The following FER1L6 variants were observed in gnomAD, a reference collection of about 807,000 sequenced individuals.
FER1L6 encodes fer-1 like family member 6, also known as fer-1-like protein 6.
A neutral mutation model predicts 219.2 loss-of-function variants in FER1L6; 177 were observed. The ratio of observed to expected loss-of-function variants is 0.81; its 90% CI spans 0.71 to 0.91. The LOEUF is 0.91. Ranked by LOEUF, FER1L6 falls within the 40% of genes least tolerant of loss-of-function variation. The probability of loss-of-function intolerance (pLI) is 0.00; values close to 1 mark genes in which losing one functional copy is unlikely to be tolerated. For synonymous variants in FER1L6, 768 were observed against 824.3 expected, an observed-to-expected ratio of 0.93 and a Z score of 1.17; for missense variants, 2,153 against 2,259.9, an observed-to-expected ratio of 0.95 and a Z score of 0.96.
At chr8:124,081,845 A>T (rs1821568130) in intron 32 of FER1L6, among the ~76,000 whole-genome samples, 1 of 152,240 alleles carries the variant, frequency 6.6e-6, no homozygotes, top group Non-Finnish European at 1.5e-5. Context: ...TATAGAAACA[A>T]TATTGCATTT....
rs906088664 is a variant in FER1L6 at position 123,968,199 on chromosome 8, T to C, written c.385-1836T>C. Among the ~76,000 whole-genome samples, 8 of 152,276 alleles carry C rather than the reference T, an allele frequency of 5.3e-5. No individual in the cohort carries two copies. In the East Asian group the frequency reaches 5.8e-4, roughly 11 times the overall value. On this transcript the variant is annotated intron_variant, in intron 5 of 40. Transcript: ENST00000522917. ...GGCATGGATGTAATATGAGATAATATATGAAAATGCTTTAAAACTGCAAAG... is the reference window on the plus strand; with the variant it reads ...GGCATGGATGTAATATGAGATAATACATGAAAATGCTTTAAAACTGCAAAG...
chr8:124,064,666 G>A, intron 26 of FER1L6, 93 bp downstream of exon 26: 3 of 1,081,126 alleles, frequency 2.8e-6, no homozygotes, highest in Non-Finnish European at 1.4e-6. Context: ...GTGTGACCAT[G>A]GGCAAGCAGC....
In FER1L6 at chr8:124,060,260, T is replaced by G; in HGVS notation, c.2955T>G (p.Ile985Met). ...ITQIYPVPAN[I>M]RPVLSKYRVE... ...AGATCTACCCGGTTCCTGCCAACAT[T>G]CGGCCGGTGCTGAGCAAATACCGAG... The change falls in exon 23 of 41, where the codon ATT becomes ATG. Residue 985 changes from isoleucine (I) to methionine (M), a missense_variant. Physicochemically the swap from Ile to Met is conservative, Grantham distance 10. Coordinates refer to ENST00000522917, the MANE Select transcript of FER1L6 (RefSeq NM_001039112.2). 1 of 1,614,128 alleles carries G rather than the reference T, an allele frequency of 6.2e-7. No individual in the cohort carries two copies. The highest frequency in any genetic ancestry group is 1.1e-5 in the South Asian group (1 of 91,090).
chr8:123,860,905 C>T (rs1422899095), intron 1 of FER1L6, among the ~76,000 whole-genome samples: 1 of 43,744 alleles, frequency 2.3e-5, no homozygotes, highest in African/African-American at 1.1e-4. Flanking sequence ...GAGTAGGTTG[C>T]GAAAATTTTC....
chr8:124,098,277 G>A (rs1483394974), intron 37 of FER1L6, among the ~76,000 whole-genome samples: 2 of 152,132 alleles, frequency 1.3e-5, no homozygotes, highest in African/African-American at 2.4e-5. Context: ...CCTGTTTGCT[G>A]GTGGTATTGA....
intron 32 of FER1L6, among the ~76,000 whole-genome samples, chr8:124,076,710 G>T (rs1821309742): frequency 6.6e-6 from 1 of 152,194 alleles, no homozygotes. Flanking sequence ...TTTGAACAGA[G>T]CAGAGATTTC....
chr8:123,923,335 C>G (rs1813433847), intron 1 of FER1L6, among the ~76,000 whole-genome samples: 1 of 152,210 alleles, frequency 6.6e-6, no homozygotes, highest in African/African-American at 2.4e-5. Flanking sequence ...GAATGAGATA[C>G]AATGCACGGC....
At chr8:123,916,453 T>C (rs1330580137) in intron 1 of FER1L6, among the ~76,000 whole-genome samples, 1 of 152,196 alleles carries the variant, frequency 6.6e-6, no homozygotes, top group Non-Finnish European at 1.5e-5. Context: ...TTTCTCTCCA[T>C]ATGTTTGCCC....
At chr8:124,089,070 C>A (rs1446582539) in intron 33 of FER1L6, among the ~76,000 whole-genome samples, 1 of 152,174 alleles carries the variant, frequency 6.6e-6, no homozygotes, top group Non-Finnish European at 1.5e-5. Flanking sequence ...AGGATTTGCA[C>A]AGGAATTTCA....
At chr8:124,089,199 C>T (rs570652112) in intron 33 of FER1L6, among the ~76,000 whole-genome samples, 2 of 152,348 alleles carry the variant, frequency 1.3e-5, no homozygotes, top group South Asian at 2.1e-4. Context: ...GACAATTTGC[C>T]TGTAGCTAGG....
At position 124,119,776 on chromosome 8, in the gene FER1L6, G is replaced by A. The variant is rs373461352; in HGVS notation, c.5560G>A (p.Val1854Ile). The change falls in exon 41 of 41, where the codon GTT becomes ATT. Residue 1854 changes from valine to isoleucine, a missense_variant. By Grantham distance (29) the Val-to-Ile change is conservative (BLOSUM62 3). Coordinates refer to ENST00000522917, the MANE Select transcript of FER1L6 (RefSeq NM_001039112.2). ...TLPGAISRRI[V>I]VGS ...GCCAGGAGCCATCAGCCGAAGGATCGTTGTGGGCTCATAGAGGATCATGGA... is the reference window on the plus strand; with the variant it reads ...GCCAGGAGCCATCAGCCGAAGGATCATTGTGGGCTCATAGAGGATCATGGA... 7.2e-5 allele frequency: 116 copies of A among 1,613,680 alleles called. 1 individual carries two copies. Among genetic ancestry groups the A allele is most frequent in the South Asian group, 6.8e-4 (62 of 91,044 alleles).
chr8:124,013,306 A>G, intron 14 of FER1L6, 125 bp from the exon 15 acceptor site: 1 of 534,852 alleles, frequency 1.9e-6, no homozygotes, highest in Admixed American at 3.2e-5. Context: ...AAAACTAGAT[A>G]AATCCTCCTT....
intron 2 of FER1L6, among the ~76,000 whole-genome samples, chr8:123,961,452 C>G (rs1418333057): frequency 6.6e-6 from 1 of 152,156 alleles, no homozygotes; most frequent in Admixed American, 6.5e-5. Flanking sequence ...CTTTTGTTAA[C>G]TTAAATCATA....
At position 123,977,452 on chromosome 8, in the gene FER1L6, T is replaced by C; in HGVS notation, c.906T>C (p.Pro302=). The change falls in exon 10 of 41, where the codon CCT becomes CCC. Residue 302 remains proline, a synonymous_variant. Transcript: ENST00000522917. The stretch of plus-strand genomic sequence containing the variant: ...CAGTGCAGAAGAACTGTGCTGATCC[T>C]GTGTGGCATGAACAGGTGATCTTCA... ...RTTVQKNCAD[P]VWHEQVIFKE... is the part of the protein sequence containing the mutation. 1 of 1,614,148 alleles carries C rather than the reference T, an allele frequency of 6.2e-7. No individual in the cohort carries two copies. Among genetic ancestry groups the C allele is most frequent in the Non-Finnish European group, 8.5e-7 (1 of 1,179,996 alleles).
intron 1 of FER1L6, among the ~76,000 whole-genome samples, chr8:123,888,239 C>T (rs143151103): frequency 8.2e-4 from 125 of 152,146 alleles, no homozygotes; most frequent in African/African-American, 2.9e-3. Flanking sequence ...GCCTTAGCCT[C>T]CCGAGTAGCT....
At chr8:124,081,955 T>C (rs1470464150) in intron 32 of FER1L6, among the ~76,000 whole-genome samples, 4 of 152,274 alleles carry the variant, frequency 2.6e-5, no homozygotes, top group African/African-American at 7.2e-5. Context: ...AATCAGGAAA[T>C]TGCAGATTCA....
intron 31 of FER1L6, among the ~76,000 whole-genome samples, chr8:124,075,562 A>G (rs1821248195): frequency 6.6e-6 from 1 of 152,232 alleles, no homozygotes; most frequent in Non-Finnish European, 1.5e-5. Flanking sequence ...TCTAAAGACT[A>G]AAAAGTATAG....
At chr8:124,094,809 T>A in intron 34 of FER1L6, 87 bp from the exon 35 acceptor site, 6 of 1,419,670 alleles carry the variant, frequency 4.2e-6, no homozygotes, top group Non-Finnish European at 6.0e-6. Context: ...TAAATAAGCC[T>A]GTAAGTGTTT....
At chr8:123,936,141 G>A (rs116858170) in intron 1 of FER1L6, among the ~76,000 whole-genome samples, 2 of 152,184 alleles carry the variant, frequency 1.3e-5, no homozygotes, top group Non-Finnish European at 2.9e-5. Flanking sequence ...CATGTCCCCT[G>A]GGATCTGATG....
Sources: allele counts gnomAD v4.1 joint callset (sites outside exome capture counted in the v4.1 genomes callset), GRCh38; gene constraint gnomAD v4.1.1; transcripts MANE v1.5; gene names NCBI Gene and HGNC (gene_info 2026-07-23, HGNC 2026-07-21).